CRACD: variants seen among roughly 807,000 people sequenced by gnomAD.
CRACD encodes the protein capping protein-inhibiting regulator of actin dynamics.
Under a neutral mutation model 106.8 loss-of-function variants are expected in CRACD, and 56 were observed. The observed-to-expected ratio is 0.52, with a 90% CI of 0.42 to 0.66. The LOEUF is 0.66. Ranked by LOEUF, CRACD falls within the 30% of genes least tolerant of loss-of-function variation. The probability of loss-of-function intolerance (pLI) is 0.00; values close to 1 mark genes in which losing one functional copy is unlikely to be tolerated. For synonymous variants in CRACD, 754 were observed against 670.8 expected (o/e 1.12, Z -1.92); for missense variants, 1,730 against 1,623.2 (o/e 1.07, Z -1.13).
At chr4:56,251,860 A>G (rs1025288744) in intron 2 of CRACD, among the ~76,000 whole-genome samples, 1 of 152,196 alleles carries the variant, frequency 6.6e-6, no homozygotes, top group Admixed American at 6.5e-5. Context: ...CTTGCATCTA[A>G]ATGCCTAACT....
rs370594828 is a variant in CRACD at position 56,324,180 on chromosome 4, A to T, written c.3455A>T (p.Glu1152Val). Reference protein sequence around the residue: ...GSLHKSTALPEEKRPETAVSR... With the variant: ...GSLHKSTALPVEKRPETAVSR... ...CTGCACAAGTCCACTGCTCTGCCAGAAGAGAAGAGGCCCGAGACTGCAGTG... is the reference window on the plus strand; with the variant it reads ...CTGCACAAGTCCACTGCTCTGCCAGTAGAGAAGAGGCCCGAGACTGCAGTG... Residue 1152 changes from glutamate to valine, a missense_variant, in exon 10 of 11, where the codon GAA becomes GTA. Physicochemically the swap from Glu to Val is moderately radical, Grantham distance 121. Transcript: ENST00000682029. 1.2e-6 allele frequency: 2 copies of T among 1,614,214 alleles called. No individual in the cohort carries two copies. The highest frequency in any genetic ancestry group is 1.7e-6 in the Non-Finnish European group (2 of 1,180,004).
intron 2 of CRACD, among the ~76,000 whole-genome samples, chr4:56,204,879 C>T (rs1297625855): frequency 6.6e-6 from 1 of 152,094 alleles, no homozygotes; most frequent in African/African-American, 2.4e-5. Context: ...TAAAAAGACA[C>T]CCAGGTACAG....
rs1036835676 is a variant in CRACD, at chr4:56,104,696, C to T, written c.-336+55397C>T. Among the ~76,000 whole-genome samples, 9 of 152,020 alleles carry T rather than the reference C, an allele frequency of 5.9e-5. 1 individual carries two copies. The highest frequency in any genetic ancestry group is 2.0e-4 in the Admixed American group (3 of 15,274). On this transcript the variant is annotated intron_variant, in intron 1 of 10. Coordinates refer to ENST00000682029, the MANE Select transcript of CRACD (RefSeq NM_001393381.1). Reference sequence around the variant, plus strand: ...AAAACTAATTAAATAGGCCGGGCGCCGTGGCTCACGCCTGTAATCCCAGCA... The same window carrying T: ...AAAACTAATTAAATAGGCCGGGCGCTGTGGCTCACGCCTGTAATCCCAGCA...
chr4:56,301,953 T>C (rs925286423), intron 4 of CRACD, among the ~76,000 whole-genome samples: 1 of 152,138 alleles, frequency 6.6e-6, no homozygotes, highest in African/African-American at 2.4e-5. Context: ...CCAACAGTGG[T>C]GTCCTTTGTG....
chr4:56,107,151 TG>T (rs201265516), intron 1 of CRACD, among the ~76,000 whole-genome samples: 2 of 151,584 alleles, frequency 1.3e-5, no homozygotes, highest in East Asian at 1.9e-4. Context: ...CTAAAAACAT[TG>T]GGTTTTTTTT....
chr4:56,184,615 C>T (rs1435202988), intron 2 of CRACD, among the ~76,000 whole-genome samples: 1 of 152,192 alleles, frequency 6.6e-6, no homozygotes, highest in Non-Finnish European at 1.5e-5. Flanking sequence ...GCTCTTGCTA[C>T]TCCTGCAGCT....
chr4:56,295,370 T>A (rs1743947504), intron 3 of CRACD, among the ~76,000 whole-genome samples: 1 of 152,086 alleles, frequency 6.6e-6, no homozygotes, highest in African/African-American at 2.4e-5. Context: ...GTTACCACTG[T>A]GACCACCACT....
At chr4:56,150,427 G>A (rs890458966) in intron 1 of CRACD, among the ~76,000 whole-genome samples, 2 of 152,136 alleles carry the variant, frequency 1.3e-5, no homozygotes, top group African/African-American at 2.4e-5. Context: ...CACAGATCAT[G>A]TATTTACTCT....
intron 5 of CRACD, chr4:56,308,798 T>C: frequency 1.1e-5 from 14 of 1,272,160 alleles, no homozygotes; most frequent in Non-Finnish European, 1.3e-5. Context: ...TCTCCAGTGC[T>C]AGGCAGAAGC....
intron 2 of CRACD, among the ~76,000 whole-genome samples, chr4:56,224,384 T>C (rs2109520029): frequency 6.6e-6 from 1 of 152,346 alleles, no homozygotes; most frequent in Admixed American, 6.5e-5. Flanking sequence ...TTATATCTTC[T>C]GTTTGTTACT....
At chr4:56,169,686 C>T (rs1736284742) in intron 1 of CRACD, among the ~76,000 whole-genome samples, 1 of 152,030 alleles carries the variant, frequency 6.6e-6, no homozygotes, top group African/African-American at 2.4e-5. Flanking sequence ...TTTGTAGAGA[C>T]GGGGTTTTGC....
At chr4:56,224,357 T>A (rs889486194) in intron 2 of CRACD, among the ~76,000 whole-genome samples, 2 of 152,324 alleles carry the variant, frequency 1.3e-5, no homozygotes, top group African/African-American at 4.8e-5. Flanking sequence ...CTGCTATACT[T>A]GAGGTCTTTT....
At chr4:56,284,326 C>T (rs1190745117) in intron 3 of CRACD, among the ~76,000 whole-genome samples, 1 of 102,998 alleles carries the variant, frequency 9.7e-6, no homozygotes, top group Admixed American at 1.1e-4. Context: ...AAATTGCTGA[C>T]AAATTTGATA....
intron 2 of CRACD, among the ~76,000 whole-genome samples, chr4:56,248,378 T>C (rs1275048422): frequency 6.6e-6 from 1 of 152,184 alleles, no homozygotes; most frequent in Non-Finnish European, 1.5e-5. Context: ...TTTGGTGAGC[T>C]AGAACTAGAA....
chr4:56,276,528 T>C (rs1199840650), intron 3 of CRACD, among the ~76,000 whole-genome samples: 2 of 152,206 alleles, frequency 1.3e-5, no homozygotes, highest in Non-Finnish European at 2.9e-5. Context: ...GGTGAACTCA[T>C]ATAATATTTA....
At chr4:56,326,955 G>A (rs1328792225) in intron 10 of CRACD, among the ~76,000 whole-genome samples, 1 of 151,906 alleles carries the variant, frequency 6.6e-6, no homozygotes, top group Non-Finnish European at 1.5e-5. Flanking sequence ...GGCCAGGCTG[G>A]TCTCGAACTC....
intron 1 of CRACD, among the ~76,000 whole-genome samples, chr4:56,148,627 C>T (rs1475622482): frequency 6.6e-6 from 1 of 152,168 alleles, no homozygotes; most frequent in Admixed American, 6.5e-5. Context: ...TCCCCAATGA[C>T]TAATGATGTT....
chr4:56,139,291 G>A (rs958294186), intron 1 of CRACD, among the ~76,000 whole-genome samples: 4 of 152,022 alleles, frequency 2.6e-5, no homozygotes, highest in African/African-American at 2.4e-5. Flanking sequence ...CTTCTTTTCT[G>A]AGTCTGGAAA....
chr4:56,178,993 G>A (rs575948151), intron 1 of CRACD, among the ~76,000 whole-genome samples: 4 of 152,326 alleles, frequency 2.6e-5, no homozygotes, highest in South Asian at 2.1e-4. Flanking sequence ...AAGAATATGT[G>A]TGCAATCCTA....
Sources: allele counts gnomAD v4.1 joint callset (sites outside exome capture counted in the v4.1 genomes callset), GRCh38; gene constraint gnomAD v4.1.1; transcripts MANE v1.5; gene names NCBI Gene and HGNC (gene_info 2026-07-23, HGNC 2026-07-21).